ATP11A: variants seen among roughly 807,000 people sequenced by gnomAD.
ATP11A encodes ATPase phospholipid transporting 11A, also known as phospholipid-transporting ATPase IH.
ATP11A carries 81 observed loss-of-function variants against 154.4 expected under a neutral mutation model. That is an observed-to-expected ratio of 0.52 (90% CI 0.44 to 0.63). The LOEUF (loss-of-function observed/expected upper bound fraction) is 0.63. Among genes scored for constraint, ATP11A ranks in the 30% least tolerant of loss-of-function variants. ATP11A has a pLI of 0.00. For missense variants in ATP11A, 1,316 were observed against 1,474.3 expected (o/e 0.89, Z 1.76); for synonymous variants, 623 against 585.9 (o/e 1.06, Z -0.91).
intron 17 of ATP11A, among the ~76,000 whole-genome samples, chr13:112,845,654 A>AGTGG (rs2079572749): frequency 8.3e-6 from 1 of 120,196 alleles, no homozygotes; most frequent in African/African-American, 4.1e-5. Context: ...TAGCGGTACT[A>AGTGG]TTCAGTCCAG....
chr13:112,854,423 G>A lies in ATP11A; in HGVS notation c.2136G>A (p.Glu712=). ...KLFRRNTQLL[E]LTTKRIEEQS... The stretch of plus-strand genomic sequence containing the variant: ...TCCGCAGGAACACGCAGCTGCTGGA[G>A]CTGACCACCAAGAGGATCGAGGAGC... Residue 712 remains glutamate, a synonymous_variant, in exon 19 of 30, where the codon GAG becomes GAA. Coordinates refer to ENST00000375645, the MANE Select transcript of ATP11A (RefSeq NM_015205.3). 2.5e-6 allele frequency: 4 copies of A among 1,613,472 alleles called. No homozygotes were observed. Among genetic ancestry groups the A allele is most frequent in the Non-Finnish European group, 3.4e-6 (4 of 1,180,038 alleles).
chr13:112,871,997 G>A (rs918914708), intron 26 of ATP11A, among the ~76,000 whole-genome samples, 197 bp downstream of exon 26: 2 of 152,158 alleles, frequency 1.3e-5, no homozygotes, highest in Non-Finnish European at 2.9e-5. Context: ...CAGCCACTCA[G>A]CACACCCGGC....
intron 1 of ATP11A, among the ~76,000 whole-genome samples, chr13:112,781,278 G>C (rs546864123): frequency 1.3e-5 from 2 of 151,914 alleles, no homozygotes; most frequent in Non-Finnish European, 2.9e-5. Flanking sequence ...GGCCTCAAGC[G>C]CTCCGCCTGC....
chr13:112,701,450 C>T (rs920674349), intron 1 of ATP11A, among the ~76,000 whole-genome samples: 4 of 152,236 alleles, frequency 2.6e-5, no homozygotes, highest in South Asian at 2.1e-4. Context: ...TTTGAAATGC[C>T]AAGAATCCCA....
chr13:112,791,840 T>G (rs2077867088), intron 2 of ATP11A, among the ~76,000 whole-genome samples: 1 of 152,158 alleles, frequency 6.6e-6, no homozygotes, highest in Non-Finnish European at 1.5e-5. Context: ...GGATGGGTTT[T>G]GTGGGCTTAT....
intron 16 of ATP11A, among the ~76,000 whole-genome samples, chr13:112,837,393 C>T (rs2079265748): frequency 6.6e-6 from 1 of 152,242 alleles, no homozygotes; most frequent in African/African-American, 2.4e-5. Flanking sequence ...GCGTGCAGGA[C>T]ATTGCTCTAT....
chr13:112,819,835 C>T (rs1352571608), intron 7 of ATP11A, 65 bp from the exon 8 acceptor site: 2 of 1,574,824 alleles, frequency 1.3e-6, no homozygotes, highest in Admixed American at 3.3e-5. Context: ...GCAGGTGGGC[C>T]AGGCGCGCGC....
At chr13:112,693,345 G>A (rs1402604957) in intron 1 of ATP11A, among the ~76,000 whole-genome samples, 3 of 151,524 alleles carry the variant, frequency 2.0e-5, no homozygotes, top group South Asian at 2.1e-4. Flanking sequence ...GGGGAAAAGC[G>A]TGTGTGCCGT....
chr13:112,818,795 G>A (rs1180940208), intron 6 of ATP11A, among the ~76,000 whole-genome samples: 4 of 152,234 alleles, frequency 2.6e-5, no homozygotes, highest in African/African-American at 9.6e-5. Context: ...AGAAGCTCTG[G>A]GTAAAACTCA....
chr13:112,876,019 C>A, intron 28 of ATP11A, 78 bp downstream of exon 28: 1 of 1,502,670 alleles, frequency 6.7e-7, no homozygotes, highest in Non-Finnish European at 9.0e-7. Flanking sequence ...TTTTGAAAGA[C>A]AGTGTGAAAG....
chr13:112,729,166 A>C (rs756422833), intron 1 of ATP11A, among the ~76,000 whole-genome samples: 1 of 152,230 alleles, frequency 6.6e-6, no homozygotes, highest in Admixed American at 6.5e-5. Context: ...CTGTTAGCGT[A>C]TCATCCCGGG....
chr13:112,713,395 TA>T (rs201000611), intron 1 of ATP11A, among the ~76,000 whole-genome samples: 38 of 151,858 alleles, frequency 2.5e-4, no homozygotes, highest in African/African-American at 8.7e-4. Flanking sequence ...ACTCCGTCTC[TA>T]AAAAAAATAA....
intron 4 of ATP11A, among the ~76,000 whole-genome samples, chr13:112,806,922 A>T (rs1373663563): frequency 6.6e-6 from 1 of 152,136 alleles, no homozygotes; most frequent in Non-Finnish European, 1.5e-5. Flanking sequence ...TTCACTCAGC[A>T]TGATGTTTTC....
At chr13:112,790,218 A>G (rs1369203785) in intron 2 of ATP11A, among the ~76,000 whole-genome samples, 3 of 137,386 alleles carry the variant, frequency 2.2e-5, no homozygotes, top group African/African-American at 8.1e-5. Context: ...GAGTCCTGAT[A>G]TGTAGATCCC....
At chr13:112,699,792 G>A (rs1368241832) in intron 1 of ATP11A, among the ~76,000 whole-genome samples, 2 of 152,176 alleles carry the variant, frequency 1.3e-5, no homozygotes, top group African/African-American at 4.8e-5. Context: ...GTCCCACCTG[G>A]CTCTGCTCTG....
chr13:112,799,414 G>A (rs538226317), intron 2 of ATP11A, among the ~76,000 whole-genome samples: 59 of 152,314 alleles, frequency 3.9e-4, no homozygotes, highest in Middle Eastern at 3.4e-3. Context: ...TCAGCAAAGG[G>A]AGATGGAGGT....
At position 112,807,244 on chromosome 13, in the gene ATP11A, C is replaced by T. The variant is rs181387861; in HGVS notation, c.333+951C>T. 2.4e-4 allele frequency among the ~76,000 whole-genome samples: 36 copies of T among 152,332 alleles called. No individual in the cohort carries two copies. Among genetic ancestry groups the T allele is most frequent in the Admixed American group, 2.1e-3 (32 of 15,310 alleles). On this transcript the variant is annotated intron_variant, in intron 4 of 29. Transcript: ENST00000375645. This position sits in a 1 kb window ranked among gnomAD's most constrained non-coding sequence, Gnocchi z 4.5. ...CATCTGACACAGGCAGAGATGGGGA[C>T]ACACAGGGTCCAGTGCAGATGATAA...
intron 29 of ATP11A, chr13:112,880,753 C>T (rs998343967): frequency 2.1e-5 from 24 of 1,165,824 alleles, no homozygotes; most frequent in South Asian, 6.5e-5. Flanking sequence ...CAAAGGTTCA[C>T]GGTGAGAAAG....
intron 8 of ATP11A, among the ~76,000 whole-genome samples, chr13:112,821,739 C>T (rs949169486): frequency 6.6e-6 from 1 of 152,298 alleles, no homozygotes; most frequent in East Asian, 1.9e-4. Context: ...TTCAGAGTGA[C>T]GTTTCTTCTT....
Sources: allele counts gnomAD v4.1 joint callset (sites outside exome capture counted in the v4.1 genomes callset), GRCh38; gene constraint gnomAD v4.1.1; non-coding constraint Gnocchi (gnomAD v3.1); transcripts MANE v1.5; gene names NCBI Gene and HGNC (gene_info 2026-07-23, HGNC 2026-07-21).